Variants in C6 observed in about 807,000 individuals in gnomAD.
The protein encoded by C6 is complement C6, also known as complement component C6.
C6 carries 101 observed loss-of-function variants against 112.9 expected under a neutral mutation model. The observed-to-expected ratio is 0.89, with a 90% CI of 0.76 to 1.06. C6 has a LOEUF of 1.06. Among genes scored for constraint, C6 ranks in the 50% least tolerant of loss-of-function variants. The pLI is 0.00. For synonymous variants in C6, 431 were observed against 384.1 expected (o/e 1.12, Z -1.43); for missense variants, 1,202 against 1,104.6 (o/e 1.09, Z -1.25).
At chr5:41,197,026 G>T (rs960674116) in intron 4 of C6, among the ~76,000 whole-genome samples, 11 of 152,096 alleles carry the variant, frequency 7.2e-5, no homozygotes, top group Non-Finnish European at 1.5e-4. Context: ...AGATTATCTG[G>T]TTGATTATTT....
rs532060145 is a variant in C6, at chr5:41,187,234, T to C, written c.588-1026A>G. Reference sequence around the variant, plus strand: ...CATGACCCTTCAGTACACCCATCCCTTCTGATAGTTGTGGGGGCTCAAGGG... The same window carrying C: ...CATGACCCTTCAGTACACCCATCCCCTCTGATAGTTGTGGGGGCTCAAGGG... On this transcript the variant is annotated intron_variant, in intron 5 of 17. Coordinates refer to ENST00000337836, the MANE Select transcript of C6 (RefSeq NM_000065.5). 3.3e-5 allele frequency among the ~76,000 whole-genome samples: 5 copies of C among 152,272 alleles called. No homozygotes were observed. The South Asian group carries it at 1.0e-3, about 32-fold the overall frequency.
chr5:41,159,114 C>G lies in C6; in HGVS notation c.1824G>C (p.Glu608Asp). 1.2e-6 allele frequency: 2 copies of G among 1,613,722 alleles called. No homozygotes were observed. Among genetic ancestry groups the G allele is most frequent in the Non-Finnish European group, 1.7e-6 (2 of 1,179,740 alleles). ...GKRCEGEKRQ[E>D]EDCTFSIMEN... is the part of the protein sequence containing the mutation. ...CCATGATTGAAAATGTGCAGTCTTCCTCTTGTCGCTTCTCCCCCTCACAGC... is the reference window on the plus strand; with the variant it reads ...CCATGATTGAAAATGTGCAGTCTTCGTCTTGTCGCTTCTCCCCCTCACAGC... Residue 608 changes from glutamate to aspartate, a missense_variant, in exon 12 of 18, where the codon GAG (glutamate) becomes GAC (aspartate). Glu to Asp is a conservative substitution (Grantham distance 45). Coordinates refer to ENST00000337836, the MANE Select transcript of C6 (RefSeq NM_000065.5).
intron 1 of C6, among the ~76,000 whole-genome samples, chr5:41,241,621 C>A (rs574627197): frequency 6.6e-6 from 1 of 152,222 alleles, no homozygotes; most frequent in African/African-American, 2.4e-5. Context: ...TTTCAAATTT[C>A]ATAAAGCCTA....
At chr5:41,176,864 A>G (rs1748901048) in intron 7 of C6, 149 bp from the exon 8 acceptor site, 1 of 805,696 alleles carries the variant, frequency 1.2e-6, no homozygotes, top group Non-Finnish European at 1.9e-6. Context: ...TCACGTACAA[A>G]ATTATAATTT....
intron 6 of C6, among the ~76,000 whole-genome samples, chr5:41,182,865 C>G (rs1201853224): frequency 6.6e-6 from 1 of 152,200 alleles, no homozygotes; most frequent in African/African-American, 2.4e-5. Flanking sequence ...TAAAGATTAG[C>G]TCAGGTAGCT....
At chr5:41,258,588 C>G (rs1741856917) in intron 1 of C6, among the ~76,000 whole-genome samples, 1 of 152,098 alleles carries the variant, frequency 6.6e-6, no homozygotes, top group African/African-American at 2.4e-5. Flanking sequence ...AAAGAATTTA[C>G]TTATATTGAA....
intron 1 of C6, among the ~76,000 whole-genome samples, chr5:41,260,766 A>T (rs1742007815): frequency 6.6e-6 from 1 of 150,474 alleles, no homozygotes; most frequent in Non-Finnish European, 1.5e-5. Context: ...CAAGAGTGAA[A>T]CTCCATCTCA....
At chr5:41,222,097 C>T (rs1739207130) in intron 1 of C6, among the ~76,000 whole-genome samples, 1 of 149,998 alleles carries the variant, frequency 6.7e-6, no homozygotes, top group Non-Finnish European at 1.5e-5. Context: ...ACCCGGGAGG[C>T]AGAGGTCACA....
chr5:41,146,786 T>A (rs1483871385), intron 17 of C6, among the ~76,000 whole-genome samples: 1 of 151,918 alleles, frequency 6.6e-6, no homozygotes, highest in Non-Finnish European at 1.5e-5. Context: ...CTCAAGTATG[T>A]GAGGATTTAG....
chr5:41,203,217 G>C lies in C6; in HGVS notation c.14C>G (p.Ser5Cys), dbSNP rs778956922. The C allele has an allele frequency of 3.1e-6, 5 of 1,614,014 alleles. No homozygotes were observed. The highest frequency in any genetic ancestry group is 8.5e-7 in the Non-Finnish European group (1 of 1,179,980). The change falls in exon 2 of 18, where the codon TCT (serine) becomes TGT (cysteine). Residue 5 changes from serine (S) to cysteine (C), a missense_variant. Ser to Cys is a moderately radical substitution (Grantham distance 112). Transcript: ENST00000337836. MARRSVLYFILLNAL... is the reference protein window; with the variant it reads MARRCVLYFILLNAL... Reference sequence around the variant, plus strand: ...ATTCAGCAGGATGAAGTACAAGACAGAGCGTCTGGCCATGCCTTGAGAGCC... The same window carrying C: ...ATTCAGCAGGATGAAGTACAAGACACAGCGTCTGGCCATGCCTTGAGAGCC...
upstream of C6, among the ~76,000 whole-genome samples, chr5:41,214,068 T>A (rs538606162): frequency 6.6e-6 from 1 of 152,222 alleles, no homozygotes; most frequent in East Asian, 1.9e-4. Context: ...GCAATTTAAC[T>A]TTAGATTGAA....
chr5:41,245,012 G>C (rs1740938567), intron 1 of C6, among the ~76,000 whole-genome samples: 1 of 151,904 alleles, frequency 6.6e-6, no homozygotes, highest in South Asian at 2.1e-4. Context: ...ACTTGGTCAT[G>C]GTTTATTTTC....
intron 15 of C6, among the ~76,000 whole-genome samples, chr5:41,151,812 A>C (rs924221806): frequency 1.3e-5 from 2 of 152,108 alleles, no homozygotes; most frequent in Non-Finnish European, 2.9e-5. Flanking sequence ...ACATATGTGC[A>C]GAAGGTCAAC....
At chr5:41,231,438 G>C (rs996371405) in intron 1 of C6, among the ~76,000 whole-genome samples, 1 of 152,044 alleles carries the variant, frequency 6.6e-6, no homozygotes, top group African/African-American at 2.4e-5. Flanking sequence ...TCATCTTACA[G>C]TTAAAACCAG....
intron 3 of C6, among the ~76,000 whole-genome samples, chr5:41,201,252 A>G (rs1580177248): frequency 6.6e-6 from 1 of 152,132 alleles, no homozygotes; most frequent in Admixed American, 6.6e-5. Context: ...GGATTACTCA[A>G]TCTGTATACA....
At chr5:41,184,174 C>T (rs781495423) in intron 6 of C6, among the ~76,000 whole-genome samples, 2 of 151,966 alleles carry the variant, frequency 1.3e-5, no homozygotes, top group Non-Finnish European at 2.9e-5. Context: ...AATTGGATTC[C>T]AAAATTCCTG....
chr5:41,202,699 G>T (rs1751122268), intron 2 of C6, among the ~76,000 whole-genome samples: 1 of 152,090 alleles, frequency 6.6e-6, no homozygotes, highest in Admixed American at 6.5e-5. Flanking sequence ...CAAGCTAATA[G>T]CTAGCAGTTC....
chr5:41,184,362 G>A (rs906357341), intron 6 of C6, among the ~76,000 whole-genome samples: 3 of 152,180 alleles, frequency 2.0e-5, no homozygotes, highest in Non-Finnish European at 2.9e-5. Context: ...AACATAGGCC[G>A]CCTCCGACTA....
At chr5:41,166,008 G>A (rs1580090129) in intron 9 of C6, among the ~76,000 whole-genome samples, 3 of 152,074 alleles carry the variant, frequency 2.0e-5, no homozygotes, top group Non-Finnish European at 4.4e-5. Flanking sequence ...TCAATAGTAA[G>A]TCTGTGAATT....
Sources: allele counts gnomAD v4.1 joint callset (sites outside exome capture counted in the v4.1 genomes callset), GRCh38; gene constraint gnomAD v4.1.1; transcripts MANE v1.5; gene names NCBI Gene and HGNC (gene_info 2026-07-23, HGNC 2026-07-21).